CNTN1: variants seen among roughly 807,000 people sequenced by gnomAD.
The protein encoded by CNTN1 is contactin-1.
Under a neutral mutation model 126.4 loss-of-function variants are expected in CNTN1, and 38 were observed. The ratio of observed to expected loss-of-function variants is 0.30; its 90% CI spans 0.23 to 0.39. The LOEUF (loss-of-function observed/expected upper bound fraction) is 0.39, where lower values mean the gene tolerates loss of function less well. Ranked by LOEUF, CNTN1 falls within the 10% of genes least tolerant of loss-of-function variation. The probability of loss-of-function intolerance (pLI) is 1.00; values close to 1 mark genes in which losing one functional copy is unlikely to be tolerated. For synonymous variants in CNTN1, 413 were observed against 422.6 expected, an observed-to-expected ratio of 0.98 and a Z score of 0.28; for missense variants, 1,009 against 1,248.4, an observed-to-expected ratio of 0.81 and a Z score of 2.89.
At chr12:40,850,932 G>A (rs1328691839) in intron 1 of CNTN1, among the ~76,000 whole-genome samples, 1 of 152,074 alleles carries the variant, frequency 6.6e-6, no homozygotes, top group Non-Finnish European at 1.5e-5. Flanking sequence ...GCATTTTGAG[G>A]TTTACAAAAA....
intron 1 of CNTN1, among the ~76,000 whole-genome samples, chr12:40,717,071 A>G (rs915038663): frequency 2.1e-5 from 2 of 95,406 alleles, no homozygotes; most frequent in South Asian, 8.1e-4. Context: ...GCTAGCCAAA[A>G]GTGTTATTTT....
At chr12:40,760,468 GT>G (rs550386071) in intron 1 of CNTN1, among the ~76,000 whole-genome samples, 37 of 145,100 alleles carry the variant, frequency 2.5e-4, no homozygotes, top group South Asian at 6.6e-4. Flanking sequence ...AGCAGTTAAT[GT>G]TTTTTTTTTT....
At chr12:41,012,358 T>A (rs887875368) in intron 17 of CNTN1, among the ~76,000 whole-genome samples, 1 of 152,214 alleles carries the variant, frequency 6.6e-6, no homozygotes, top group Admixed American at 6.5e-5. Context: ...CAAACAGGAT[T>A]CCTTCCCTGA....
chr12:40,837,758 G>C (rs1428268377), intron 1 of CNTN1, among the ~76,000 whole-genome samples: 4 of 152,094 alleles, frequency 2.6e-5, no homozygotes, highest in African/African-American at 9.7e-5. Flanking sequence ...GGGCTGTAGC[G>C]GCCACTGCCA....
chr12:40,882,033 G>T (rs1261314311), intron 1 of CNTN1, among the ~76,000 whole-genome samples: 1 of 151,656 alleles, frequency 6.6e-6, no homozygotes, highest in Non-Finnish European at 1.5e-5. Context: ...AGGAAGAGAT[G>T]AAGATAGGAG....
At chr12:40,823,635 A>G (rs1480332356) in intron 1 of CNTN1, among the ~76,000 whole-genome samples, 1 of 152,172 alleles carries the variant, frequency 6.6e-6, no homozygotes, top group Non-Finnish European at 1.5e-5. Context: ...AGTCTTTTGT[A>G]TATGTTTACT....
At chr12:40,853,600 G>A (rs947847424) in intron 1 of CNTN1, among the ~76,000 whole-genome samples, 2 of 151,940 alleles carry the variant, frequency 1.3e-5, no homozygotes, top group African/African-American at 4.8e-5. Context: ...GTAAGACACT[G>A]TGATAAACAA....
chr12:40,848,287 T>TC (rs1942591060), intron 1 of CNTN1, among the ~76,000 whole-genome samples: 1 of 152,160 alleles, frequency 6.6e-6, no homozygotes, highest in East Asian at 1.9e-4. Context: ...AATTACTATT[T>TC]CCCCCAATTT....
At chr12:40,831,884 C>G (rs1941853712) in intron 1 of CNTN1, among the ~76,000 whole-genome samples, 1 of 152,128 alleles carries the variant, frequency 6.6e-6, no homozygotes, top group South Asian at 2.1e-4. Flanking sequence ...TAGGAGCACC[C>G]AAAAATATTT....
chr12:40,896,291 G>GT (rs201899994), intron 1 of CNTN1, among the ~76,000 whole-genome samples: 65 of 151,092 alleles, frequency 4.3e-4, no homozygotes, highest in African/African-American at 1.4e-3. Flanking sequence ...TATAAGGTAT[G>GT]TTTTTTTTTC....
rs767955232 is a variant in CNTN1 at position 41,020,407 on chromosome 12, A to T, written c.2490A>T (p.Glu830Asp). ...CTTCTGAGATATCTGTTCATTGGGAACATGTTTTAGAAAAAATAGTGGAAA... is the reference window on the plus strand; with the variant it reads ...CTTCTGAGATATCTGTTCATTGGGATCATGTTTTAGAAAAAATAGTGGAAA... ...LSSSEISVHWEHVLEKIVESY... is the reference protein window; with the variant it reads ...LSSSEISVHWDHVLEKIVESY... Residue 830 changes from glutamate (E) to aspartate (D), a missense_variant, in exon 20 of 24, where the codon GAA (glutamate) becomes GAT (aspartate). Physicochemically the swap from Glu to Asp is conservative, Grantham distance 45 (BLOSUM62 2). Coordinates refer to ENST00000551295, the MANE Select transcript of CNTN1 (RefSeq NM_001843.4). The T allele has an allele frequency of 7.4e-6, 12 of 1,612,210 alleles. No homozygotes were observed. In the South Asian group the frequency reaches 1.1e-4, roughly 15 times the overall value.
intron 1 of CNTN1, among the ~76,000 whole-genome samples, chr12:40,719,063 C>T (rs750877795): frequency 1.3e-5 from 2 of 152,008 alleles, no homozygotes; most frequent in Non-Finnish European, 2.9e-5. Flanking sequence ...CATGTTATTA[C>T]GGTTCAAAAC....
chr12:41,043,912 C>T (rs1462130414), intron 23 of CNTN1, among the ~76,000 whole-genome samples: 2 of 145,040 alleles, frequency 1.4e-5, no homozygotes, highest in Non-Finnish European at 3.0e-5. Flanking sequence ...AAAAACCAAA[C>T]ACCGCATGTT....
At chr12:40,815,540 A>T (rs114260956) in intron 1 of CNTN1, among the ~76,000 whole-genome samples, 1,939 of 152,228 alleles carry the variant, frequency 0.013, 43 homozygotes, top group African/African-American at 0.044. Context: ...TAGTTTAGGA[A>T]GTCTTTGGGC....
intron 1 of CNTN1, among the ~76,000 whole-genome samples, chr12:40,898,292 A>G (rs1170124175): frequency 4.6e-5 from 7 of 152,170 alleles, no homozygotes; most frequent in Admixed American, 3.9e-4. Context: ...ATATGTCTGG[A>G]CATGGTAGAT....
chr12:40,981,313 T>C (rs1721633006), intron 16 of CNTN1, among the ~76,000 whole-genome samples: 1 of 152,086 alleles, frequency 6.6e-6, no homozygotes, highest in South Asian at 2.1e-4. Context: ...GAAAGCAAAA[T>C]GAGGCCTCCT....
intron 1 of CNTN1, among the ~76,000 whole-genome samples, chr12:40,710,408 C>A (rs1476500528): frequency 6.6e-6 from 1 of 152,148 alleles, no homozygotes. Flanking sequence ...AATCACAGAT[C>A]ACCATAACAC....
rs534262400 is a variant in CNTN1 at position 41,022,251 on chromosome 12, A to G, written c.2523+1811A>G. Among the ~76,000 whole-genome samples the G allele has an allele frequency of 3.9e-4, 60 of 152,324 alleles. 1 individual carries two copies. In the East Asian group the frequency reaches 0.01, roughly 26 times the overall value. The stretch of plus-strand genomic sequence containing the variant: ...CTAAACCTTGATTAAGGATTTTCAC[A>G]TAGTCAGTAAAAAGTAATCTTTATC... On this transcript the variant is annotated intron_variant, in intron 20 of 23. Transcript: ENST00000551295.
intron 1 of CNTN1, among the ~76,000 whole-genome samples, chr12:40,856,016 G>T (rs773256531): frequency 6.6e-6 from 1 of 152,060 alleles, no homozygotes; most frequent in Non-Finnish European, 1.5e-5. Flanking sequence ...GAGTTTACAT[G>T]CTCAATCAAT....
Sources: gnomAD v4.1 joint callset for allele counts (sites outside exome capture counted in the v4.1 genomes callset) on GRCh38, gnomAD v4.1.1 for gene constraint, MANE v1.5 for transcripts, NCBI Gene and HGNC (gene_info 2026-07-23, HGNC 2026-07-21) for gene names.